The following MOAP1 variants were observed in gnomAD, a reference collection of about 807,000 sequenced individuals.
MOAP1 encodes MAP1.
For synonymous variants in MOAP1, 150 were observed against 161.0 expected (o/e 0.93, Z 0.52); for missense variants, 385 against 418.6 (o/e 0.92, Z 0.70).
In MOAP1 at chr14:93,184,050, C is replaced by T; in HGVS notation, c.193G>A (p.Ala65Thr). ...GTCTCCGCAGTAAGCCCTACTAAGG[C>T]TACTTTCCTGTTCTCATCCCTCCTG... is the stretch of plus-strand genomic sequence containing the variant. The part of the protein sequence containing the change: ...MFRRDENRKV[A>T]LVGLTAETSH... Residue 65 changes from alanine to threonine, a missense_variant, in exon 3 of 3, where the codon GCC becomes ACC. Transcript: ENST00000298894. This position sits in a 1 kb window ranked among gnomAD's most constrained non-coding sequence, Gnocchi z 4.2. The T allele has an allele frequency of 6.2e-7, 1 of 1,613,966 alleles. No homozygotes were observed. Among genetic ancestry groups the T allele is most frequent in the Non-Finnish European group, 8.5e-7 (1 of 1,179,916 alleles).
At position 93,184,256 on chromosome 14, in the gene MOAP1, A is replaced by T. The variant is rs780884235; in HGVS notation, c.-14T>A. The T allele has an allele frequency of 6.4e-7, 1 of 1,554,358 alleles. No homozygotes were observed. Among genetic ancestry groups the T allele is most frequent in the Admixed American group, 2.0e-5 (1 of 49,362 alleles). Reference sequence around the variant, plus strand: ...CCTCAAAGTCATGGTGCCCGAAATAATAGACTTAAGTTCTAAATATGCCAG... The same window carrying T: ...CCTCAAAGTCATGGTGCCCGAAATATTAGACTTAAGTTCTAAATATGCCAG... On this transcript the variant is annotated 5_prime_UTR_variant, in exon 3 of 3. Coordinates refer to ENST00000298894, the MANE Select transcript of MOAP1 (RefSeq NM_022151.5). The surrounding 1 kb of genome is among the most constrained non-coding windows in gnomAD (Gnocchi z 4.2).
chr14:93,183,692 C>A lies in MOAP1; in HGVS notation c.551G>T (p.Trp184Leu), dbSNP rs985671049. The change falls in exon 3 of 3, where the codon TGG becomes TTG. Residue 184 changes from tryptophan to leucine, a missense_variant. Physicochemically the swap from Trp to Leu is moderately conservative, Grantham distance 61. Transcript: ENST00000298894. The stretch of plus-strand genomic sequence containing the variant: ...TATCATCTGAGTAGTATGAAACATC[C>A]AGCGTCCAAATTCTTCTTCTCCTGG... ...PEPGEEEFGR[W>L]MFHTTQMIKA... 1.2e-6 allele frequency: 2 copies of A among 1,614,118 alleles called. No individual in the cohort carries two copies. The highest frequency in any genetic ancestry group is 1.7e-6 in the Non-Finnish European group (2 of 1,180,026).
In MOAP1 at chr14:93,183,580, G is replaced by A; in HGVS notation, c.663C>T (p.Leu221=). The A allele has an allele frequency of 6.2e-6, 10 of 1,614,184 alleles. No homozygotes were observed. The highest frequency in any genetic ancestry group is 8.5e-6 in the Non-Finnish European group (10 of 1,180,050). The stretch of plus-strand genomic sequence containing the variant: ...CAGTAATTAAAGGATTGTTTATCTT[G>A]AGGACACGAATAACATCAAGTGCTG... ...RGPALDVIRV[L]KINNPLITVD... The change falls in exon 3 of 3, where the codon CTC becomes CTT. Residue 221 remains leucine, a synonymous_variant. Coordinates refer to ENST00000298894, the MANE Select transcript of MOAP1 (RefSeq NM_022151.5).
chr14:93,184,183 C>G lies in MOAP1; in HGVS notation c.60G>C (p.Ala20=). Residue 20 remains alanine, a synonymous_variant, in exon 3 of 3, where the codon GCG becomes GCC. Transcript: ENST00000298894. The surrounding 1 kb of genome is among the most constrained non-coding windows in gnomAD (Gnocchi z 4.2). ...TCTGGGAGATGCCGGCAATCAATAG[C>G]GCTTTCCGAGGGTTCATGTCCATCC... ...CRGMDMNPRK[A]LLIAGISQSC... 1.2e-6 allele frequency: 2 copies of G among 1,613,498 alleles called. No homozygotes were observed. Among genetic ancestry groups the G allele is most frequent in the Non-Finnish European group, 1.7e-6 (2 of 1,179,654 alleles).
rs201026568 is a variant in MOAP1, at chr14:93,183,930, T to A, written c.313A>T (p.Arg105Ter). 6.2e-7 allele frequency: 1 copy of A among 1,614,112 alleles called. No homozygotes were observed. The highest frequency in any genetic ancestry group is 2.2e-5 in the East Asian group (1 of 44,884). ...TCTCCCGCTAAAAATTCATTTAATC[T>A]GCTTAAAAATGTATTATCTGGGTCA... ...PPDPDNTFLS[R>*]LNEFLAGEGM... is the part of the protein sequence containing the mutation. The change falls in exon 3 of 3, where the codon AGA becomes TGA. Residue 105 changes from arginine (R) to a stop codon, truncating the protein, a stop_gained. Transcript: ENST00000298894. LOFTEE classifies it low-confidence loss of function (END_TRUNC).
In MOAP1 at chr14:93,183,732, T is replaced by A. The variant is rs1566812464; in HGVS notation, c.511A>T (p.Arg171Trp). The change falls in exon 3 of 3, where the codon AGG becomes TGG. Residue 171 changes from arginine (R) to tryptophan (W), a missense_variant. Physicochemically the swap from Arg to Trp is moderately radical, Grantham distance 101. Coordinates refer to ENST00000298894, the MANE Select transcript of MOAP1 (RefSeq NM_022151.5). ...KYKKLRVFSGRESPEPGEEEF... is the reference protein window; with the variant it reads ...KYKKLRVFSGWESPEPGEEEF... ...TCTTCTCCTGGTTCTGGAGACTCCC[T>A]GCCCGAGAACACTCTCAGCTTTTTA... 1 of 1,614,194 alleles carries A rather than the reference T, an allele frequency of 6.2e-7. No individual in the cohort carries two copies. The highest frequency in any genetic ancestry group is 1.1e-5 in the South Asian group (1 of 91,082).
rs1487504696 is a variant in MOAP1 at position 93,182,545 on chromosome 14, T to A, written c.*642A>T. The stretch of plus-strand genomic sequence containing the variant: ...AGTACCAAACAAGCTGATACTTCAA[T>A]GAGATCTGGTTGGCATATACACCCA... On this transcript the variant is annotated 3_prime_UTR_variant, in exon 3 of 3. Transcript: ENST00000298894. The A allele has an allele frequency of 3.3e-5, 5 of 152,464 alleles. No individual in the cohort carries two copies. Among genetic ancestry groups the A allele is most frequent in the Non-Finnish European group, 7.3e-5 (5 of 68,232 alleles). The allele number at this position is 152,464 out of a possible 1,614,324, so 9.4% of individuals were successfully genotyped here.
rs1316094718 is a variant in MOAP1 at position 93,183,699 on chromosome 14, C to G, written c.544G>C (p.Gly182Arg). 1 of 1,614,160 alleles carries G rather than the reference C, an allele frequency of 6.2e-7. No individual in the cohort carries two copies. Among genetic ancestry groups the G allele is most frequent in the South Asian group, 1.1e-5 (1 of 91,084 alleles). Residue 182 changes from glycine to arginine, a missense_variant, in exon 3 of 3, where the codon GGA becomes CGA. Gly to Arg is a moderately radical substitution (Grantham distance 125, BLOSUM62 -2). Coordinates refer to ENST00000298894, the MANE Select transcript of MOAP1 (RefSeq NM_022151.5). ...ESPEPGEEEF[G>R]RWMFHTTQMI... ...TGAGTAGTATGAAACATCCAGCGTC[C>G]AAATTCTTCTTCTCCTGGTTCTGGA...
Position 93,184,840 on chromosome 14 carries a change from G to T in MOAP1, c.-306C>A, listed in dbSNP as rs1172646403. ...GGGACGTGCCGCCACCCGCGCCGCC[G>T]GAGCTCCGGCTCCAGCCCGGATTCC... On this transcript the variant is annotated 5_prime_UTR_variant, in exon 1 of 3. Coordinates refer to ENST00000298894, the MANE Select transcript of MOAP1 (RefSeq NM_022151.5). The surrounding 1 kb of genome is among the most constrained non-coding windows in gnomAD (Gnocchi z 4.2). 1 of 152,460 alleles carries T rather than the reference G, an allele frequency of 6.6e-6. No individual in the cohort carries two copies. Among genetic ancestry groups the T allele is most frequent in the African/African-American group, 2.4e-5 (1 of 41,436 alleles). 9.4% of individuals were successfully genotyped at this position (152,460 alleles called of 1,614,324 possible). A position where few individuals can be genotyped will look rare whatever the true frequency, so the allele number is the denominator to read the frequency against.
At position 93,183,107 on chromosome 14, in the gene MOAP1, T is replaced by C; in HGVS notation, c.*80A>G. 11 of 1,500,292 alleles carry C rather than the reference T, an allele frequency of 7.3e-6. No homozygotes were observed. Among genetic ancestry groups the C allele is most frequent in the Non-Finnish European group, 9.8e-6 (11 of 1,126,552 alleles). The allele number at this position is 1,500,292 out of a possible 1,614,324, so 92.9% of individuals were successfully genotyped here. A position where few individuals can be genotyped will look rare whatever the true frequency, so the allele number is the denominator to read the frequency against. ...TTACTTGGCAGCACAAGGTAGGGATTGTATGTGTCACAAGAGTATATAGAC... is the reference window on the plus strand; with the variant it reads ...TTACTTGGCAGCACAAGGTAGGGATCGTATGTGTCACAAGAGTATATAGAC... On this transcript the variant is annotated 3_prime_UTR_variant, in exon 3 of 3. Coordinates refer to ENST00000298894, the MANE Select transcript of MOAP1 (RefSeq NM_022151.5).
In MOAP1 at chr14:93,184,036, A is replaced by G; in HGVS notation, c.207T>C (p.Leu69=). The change falls in exon 3 of 3, where the codon CTT becomes CTC. Residue 69 remains leucine, a synonymous_variant. Coordinates refer to ENST00000298894, the MANE Select transcript of MOAP1 (RefSeq NM_022151.5). This position sits in a 1 kb window ranked among gnomAD's most constrained non-coding sequence, Gnocchi z 4.2. ...DENRKVALVG[L]TAETSHALVP... ...CCAGGGCGTGACTAGTCTCCGCAGT[A>G]AGCCCTACTAAGGCTACTTTCCTGT... The G allele has an allele frequency of 6.2e-7, 1 of 1,613,874 alleles. No individual in the cohort carries two copies. Among genetic ancestry groups the G allele is most frequent in the Non-Finnish European group, 8.5e-7 (1 of 1,179,906 alleles).
rs180750547 is a variant in MOAP1, at chr14:93,184,352, G to A, written c.-110C>T. 4.8e-4 allele frequency: 241 copies of A among 506,858 alleles called. 4 individuals are homozygous for A. In the East Asian group the frequency reaches 0.016, roughly 33 times the overall value. The allele number at this position is 506,858 out of a possible 1,614,324, so 31.4% of individuals were successfully genotyped here. On this transcript the variant is annotated 5_prime_UTR_variant, in exon 3 of 3. Transcript: ENST00000298894. This position sits in a 1 kb window ranked among gnomAD's most constrained non-coding sequence, Gnocchi z 4.2. ...CAGAGAAATCTTGTCAACGTGCCGA[G>A]GTCCAGCAGCCTGCAAGACAGAGCA...
rs1304666024 is a variant in MOAP1 at position 93,184,869 on chromosome 14, T to A, written c.-335A>T. The stretch of plus-strand genomic sequence containing the variant: ...CTCCGGCTCCAGCCCGGATTCCACC[T>A]GTTTTGGTCTCGCTCGGGGAAGCTG... On this transcript the variant is annotated 5_prime_UTR_variant, in exon 1 of 3. Transcript: ENST00000298894. The surrounding 1 kb of genome is among the most constrained non-coding windows in gnomAD (Gnocchi z 4.2). 6.6e-5 allele frequency: 10 copies of A among 151,636 alleles called. No individual in the cohort carries two copies. The allele number at this position is 151,636 out of a possible 1,614,324, so 9.4% of individuals were successfully genotyped here. A position where few individuals can be genotyped will look rare whatever the true frequency, so the allele number is the denominator to read the frequency against.
In MOAP1 at chr14:93,183,114, G is replaced by C; in HGVS notation, c.*73C>G. 6.6e-7 allele frequency: 1 copy of C among 1,507,886 alleles called. No homozygotes were observed. The highest frequency in any genetic ancestry group is 8.8e-7 in the Non-Finnish European group (1 of 1,130,426). 93.4% of individuals were successfully genotyped at this position (1,507,886 alleles called of 1,614,324 possible). On this transcript the variant is annotated 3_prime_UTR_variant, in exon 3 of 3. Transcript: ENST00000298894. Reference sequence around the variant, plus strand: ...GCAGCACAAGGTAGGGATTGTATGTGTCACAAGAGTATATAGACTGTTCTA... The same window carrying C: ...GCAGCACAAGGTAGGGATTGTATGTCTCACAAGAGTATATAGACTGTTCTA...
In MOAP1 at chr14:93,183,588, G is replaced by C. The variant is rs531506731; in HGVS notation, c.655C>G (p.Arg219Gly). 25 of 1,614,176 alleles carry C rather than the reference G, an allele frequency of 1.5e-5. No individual in the cohort carries two copies. In the South Asian group the frequency reaches 2.3e-4, roughly 15 times the overall value. ...SLRGPALDVI[R>G]VLKINNPLIT... is the part of the protein sequence containing the mutation. The stretch of plus-strand genomic sequence containing the variant: ...AAAGGATTGTTTATCTTGAGGACAC[G>C]AATAACATCAAGTGCTGGGCCTCGA... Residue 219 changes from arginine (R) to glycine (G), a missense_variant, in exon 3 of 3, where the codon CGT becomes GGT. By Grantham distance (125) the Arg-to-Gly change is moderately radical. Transcript: ENST00000298894.
chr14:93,184,280 A>AGT lies in MOAP1; in HGVS notation c.-39_-38insAC. ...AATAGACTTAAGTTCTAAATATGCC[A>AGT]GACCACAGGCGACCACCGAAATTCA... On this transcript the variant is annotated 5_prime_UTR_variant, in exon 3 of 3. Coordinates refer to ENST00000298894, the MANE Select transcript of MOAP1 (RefSeq NM_022151.5). This position sits in a 1 kb window ranked among gnomAD's most constrained non-coding sequence, Gnocchi z 4.2. The AGT allele has an allele frequency of 1.4e-6, 2 of 1,404,568 alleles. No individual in the cohort carries two copies. The highest frequency in any genetic ancestry group is 1.8e-5 in the South Asian group (1 of 54,212). 87.0% of individuals were successfully genotyped at this position (1,404,568 alleles called of 1,614,324 possible).
chr14:93,184,323 AC>A lies in MOAP1; in HGVS notation c.-82del. On this transcript the variant is annotated 5_prime_UTR_variant, in exon 3 of 3. Transcript: ENST00000298894. The surrounding 1 kb of genome is among the most constrained non-coding windows in gnomAD (Gnocchi z 4.2). ...GAAATTCAAAGTAATCCTCCGCGGT[AC>A]CCCAGAGAAATCTTGTCAACGTGCC... 1 of 892,194 alleles carries A rather than the reference AC, an allele frequency of 1.1e-6. No individual in the cohort carries two copies. The highest frequency in any genetic ancestry group is 1.5e-6 in the Non-Finnish European group (1 of 670,238). The allele number at this position is 892,194 out of a possible 1,614,324, so 55.3% of individuals were successfully genotyped here.
chr14:93,184,109 G>A lies in MOAP1; in HGVS notation c.134C>T (p.Pro45Leu). The change falls in exon 3 of 3, where the codon CCC becomes CTC. Residue 45 changes from proline to leucine, a missense_variant. By Grantham distance (98) the Pro-to-Leu change is moderately conservative. Coordinates refer to ENST00000298894, the MANE Select transcript of MOAP1 (RefSeq NM_022151.5). The surrounding 1 kb of genome is among the most constrained non-coding windows in gnomAD (Gnocchi z 4.2). ...TCCAAGCAGTCTGTACTCCCCCAAGGGAGCTAAACCAGCCTGCAGAGCCTC... is the reference window on the plus strand; with the variant it reads ...TCCAAGCAGTCTGTACTCCCCCAAGAGAGCTAAACCAGCCTGCAGAGCCTC... ...IEEALQAGLA[P>L]LGEYRLLGRM... The A allele has an allele frequency of 5.6e-6, 9 of 1,613,974 alleles. No individual in the cohort carries two copies. Among genetic ancestry groups the A allele is most frequent in the Non-Finnish European group, 7.6e-6 (9 of 1,179,998 alleles).
In MOAP1 at chr14:93,182,928, TCAACAA is replaced by T. The variant is rs911658408; in HGVS notation, c.*253_*258del. 2.1e-5 allele frequency: 10 copies of T among 474,036 alleles called. No individual in the cohort carries two copies. In the East Asian group the frequency reaches 3.6e-4, roughly 17 times the overall value. 29.4% of individuals were successfully genotyped at this position (474,036 alleles called of 1,614,324 possible). ...CTGGGTGACAGAGCGAGACTCTGTC[TCAACAA>T]CAACAACAAAGATATTCACAAGGAT... On this transcript the variant is annotated 3_prime_UTR_variant, in exon 3 of 3. Coordinates refer to ENST00000298894, the MANE Select transcript of MOAP1 (RefSeq NM_022151.5).
Sources: gnomAD v4.1 joint callset for allele counts on GRCh38, gnomAD v4.1.1 for gene constraint, Gnocchi (gnomAD v3.1) non-coding constraint, MANE v1.5 for transcripts, NCBI Gene and HGNC (gene_info 2026-07-23, HGNC 2026-07-21) for gene names.